The following PITPNM2 variants were observed in gnomAD, a reference collection of about 807,000 sequenced individuals.
The protein encoded by PITPNM2 is phosphatidylinositol transfer protein membrane associated 2.
In PITPNM2, 35 loss-of-function variants were observed where a neutral mutation model predicts 132.2. That is an observed-to-expected ratio of 0.26 (90% confidence interval 0.20 to 0.35). PITPNM2 has a LOEUF of 0.35. Among genes scored for constraint, PITPNM2 ranks in the 10% least tolerant of loss-of-function variants. The pLI is 1.00. For missense variants in PITPNM2, 1,332 were observed against 1,912.0 expected, an observed-to-expected ratio of 0.70 and a Z score of 5.66; for synonymous variants, 738 against 799.2, an observed-to-expected ratio of 0.92 and a Z score of 1.29.
intron 2 of PITPNM2, among the ~76,000 whole-genome samples, chr12:123,086,226 G>A (rs2042108209): frequency 6.6e-6 from 1 of 152,166 alleles, no homozygotes; most frequent in Admixed American, 6.5e-5. Flanking sequence ...CCTGCTCCCT[G>A]GCTACAGAAA....
Position 123,005,280 on chromosome 12 carries a change from C to G in PITPNM2, c.912G>C (p.Trp304Cys). 1 of 1,613,840 alleles carries G rather than the reference C, an allele frequency of 6.2e-7. No individual in the cohort carries two copies. The highest frequency in any genetic ancestry group is 8.5e-7 in the Non-Finnish European group (1 of 1,179,908). The change falls in exon 7 of 26, where the codon TGG becomes TGC. Residue 304 changes from tryptophan (W) to cysteine (C), a missense_variant. Transcript: ENST00000320201. The surrounding 1 kb of genome is among the most constrained non-coding windows in gnomAD (Gnocchi z 6.2). ...ACCGAGACGACTTGGAGGATGTGGA[C>G]CACTGTTTCTTGAGGCCGCGCCCCA... ...PLVGRGLKKQ[W>C]STSSKSSRSS...
chr12:123,025,216 G>C (rs550874694), intron 3 of PITPNM2, among the ~76,000 whole-genome samples: 4 of 152,334 alleles, frequency 2.6e-5, no homozygotes, highest in African/African-American at 9.6e-5. Flanking sequence ...GTGTGTATGT[G>C]TGCGTGCATA....
intron 1 of PITPNM2, among the ~76,000 whole-genome samples, chr12:123,113,500 G>A (rs2042880224): frequency 6.6e-6 from 1 of 152,174 alleles, no homozygotes; most frequent in Non-Finnish European, 1.5e-5. Flanking sequence ...AGGAGTTCAA[G>A]ACAAGCCTGG....
In PITPNM2 at chr12:123,150,549, C is replaced by T. The variant is rs1716183; in HGVS notation, c.-200+204G>A. 0.33 allele frequency among the ~76,000 whole-genome samples: 49,437 copies of T among 151,770 alleles called. 13,302 individuals are homozygous for T. The highest frequency in any genetic ancestry group is 0.74 in the African/African-American group (30,624 of 41,456). Reference sequence around the variant, plus strand: ...ACTGAGGCCAGGCTCGGGCGGTCTCCCGAGCGGGGCTCCCGTACGCCACAC... The same window carrying T: ...ACTGAGGCCAGGCTCGGGCGGTCTCTCGAGCGGGGCTCCCGTACGCCACAC... On this transcript the variant is annotated intron_variant, in intron 1 of 25. Coordinates refer to ENST00000320201, the MANE Select transcript of PITPNM2 (RefSeq NM_020845.3). The surrounding 1 kb of genome is among the most constrained non-coding windows in gnomAD (Gnocchi z 6.0).
intron 2 of PITPNM2, among the ~76,000 whole-genome samples, chr12:123,063,148 T>C (rs1019806309): frequency 6.6e-6 from 1 of 152,220 alleles, no homozygotes; most frequent in Non-Finnish European, 1.5e-5. Context: ...AAGGCCTGTG[T>C]TTCCAGGCCT....
intron 3 of PITPNM2, among the ~76,000 whole-genome samples, chr12:123,021,235 G>A (rs1297882183): frequency 6.6e-6 from 1 of 152,120 alleles, no homozygotes. Flanking sequence ...ACTGGGTAGA[G>A]GCCACAAGGT....
intron 16 of PITPNM2, chr12:122,991,745 G>A: frequency 7.7e-7 from 1 of 1,296,738 alleles, no homozygotes; most frequent in South Asian, 3.2e-5. Context: ...GAGCAGGGGA[G>A]GGTACACACA....
intron 3 of PITPNM2, among the ~76,000 whole-genome samples, chr12:123,019,620 T>G (rs1285169264): frequency 2.0e-5 from 3 of 152,144 alleles, no homozygotes; most frequent in Non-Finnish European, 2.9e-5. Flanking sequence ...GCAAGCCCCA[T>G]CAGCCAAATA....
intron 2 of PITPNM2, among the ~76,000 whole-genome samples, chr12:123,069,724 C>T (rs1465645587): frequency 6.6e-6 from 1 of 152,166 alleles, no homozygotes; most frequent in African/African-American, 2.4e-5. Flanking sequence ...AGGGCCCGAG[C>T]CTTGTTCAAA....
chr12:123,071,964 T>C (rs2041632548), intron 2 of PITPNM2, among the ~76,000 whole-genome samples: 2 of 152,210 alleles, frequency 1.3e-5, no homozygotes, highest in Admixed American at 6.5e-5. Context: ...ACTTCAGCCA[T>C]GCAATTAGCA....
At chr12:123,047,061 C>A (rs1026113935) in intron 2 of PITPNM2, among the ~76,000 whole-genome samples, 1 of 152,140 alleles carries the variant, frequency 6.6e-6, no homozygotes, top group South Asian at 2.1e-4. Flanking sequence ...AGAATGATCT[C>A]CCAAGGTGGA....
chr12:123,106,587 T>C lies in PITPNM2; in HGVS notation c.-96+3798A>G, dbSNP rs1178261679. ...TGCGTACTGAGCAGCGTCAGGTGTG[T>C]GTCAAAGAACCATATCAATAAACAA... On this transcript the variant is annotated intron_variant, in intron 2 of 25. Coordinates refer to ENST00000320201, the MANE Select transcript of PITPNM2 (RefSeq NM_020845.3). This position sits in a 1 kb window ranked among gnomAD's most constrained non-coding sequence, Gnocchi z 4.4. Among the ~76,000 whole-genome samples the C allele has an allele frequency of 6.6e-6, 1 of 152,112 alleles. No homozygotes were observed. The highest frequency in any genetic ancestry group is 1.5e-5 in the Non-Finnish European group (1 of 68,022).
chr12:123,066,560 G>A (rs886976900), intron 2 of PITPNM2, among the ~76,000 whole-genome samples: 2 of 152,138 alleles, frequency 1.3e-5, no homozygotes, highest in African/African-American at 4.8e-5. Flanking sequence ...CTGAGAGCTG[G>A]GAGACAGACA....
rs532678706 is a variant in PITPNM2 at position 123,078,231 on chromosome 12, G to A, written c.-96+32154C>T. 6.6e-6 allele frequency among the ~76,000 whole-genome samples: 1 copy of A among 152,346 alleles called. No individual in the cohort carries two copies. The highest frequency in any genetic ancestry group is 2.1e-4 in the South Asian group (1 of 4,834). Reference sequence around the variant, plus strand: ...GCGGGCGGAGGAGCCATATGCCAGAGGGAAGGCATCAGCAGAGAGCCAATC... The same window carrying A: ...GCGGGCGGAGGAGCCATATGCCAGAAGGAAGGCATCAGCAGAGAGCCAATC... On this transcript the variant is annotated intron_variant, in intron 2 of 25. Transcript: ENST00000320201. The surrounding 1 kb of genome is among the most constrained non-coding windows in gnomAD (Gnocchi z 7.3).
rs2042954459 is a variant in PITPNM2 at position 123,117,455 on chromosome 12, C to T, written c.-199-6967G>A. 6.6e-6 allele frequency among the ~76,000 whole-genome samples: 1 copy of T among 152,202 alleles called. No individual in the cohort carries two copies. The highest frequency in any genetic ancestry group is 1.5e-5 in the Non-Finnish European group (1 of 68,038). On this transcript the variant is annotated intron_variant, in intron 1 of 25. Coordinates refer to ENST00000320201, the MANE Select transcript of PITPNM2 (RefSeq NM_020845.3). The surrounding 1 kb of genome is among the most constrained non-coding windows in gnomAD (Gnocchi z 4.7). ...TTGGCATGGGATTGAGACCAGAGTT[C>T]TGGCTGCTGACTCTGGGTAAGTCAG...
chr12:122,996,405 G>T, intron 13 of PITPNM2, 53 bp downstream of exon 13: 1 of 1,603,236 alleles, frequency 6.2e-7, no homozygotes. Context: ...CCACCCTGGG[G>T]GCGTGCAGGA....
Position 122,988,312 on chromosome 12 carries a change from A to G in PITPNM2, c.2919T>C (p.Asp973=). 6 of 1,613,394 alleles carry G rather than the reference A, an allele frequency of 3.7e-6. No individual in the cohort carries two copies. Among genetic ancestry groups the G allele is most frequent in the Non-Finnish European group, 5.1e-6 (6 of 1,179,982 alleles). ...GGGTGAACACCGACACTTCCTTGCC[A>G]TCCAGCTCCAAGATGCTGGAGTTGT... ...RHDNSSILEL[D]GKEVSVFTPS... is the part of the protein sequence containing the mutation. Residue 973 remains aspartate, a synonymous_variant, in exon 20 of 26, where the codon GAT becomes GAC. Coordinates refer to ENST00000320201, the MANE Select transcript of PITPNM2 (RefSeq NM_020845.3).
Position 123,005,312 on chromosome 12 carries a change from G to T in PITPNM2, c.880C>A (p.Pro294Thr), listed in dbSNP as rs1592934981. ...PPEPSSSNGE[P>T]LVGRGLKKQW... ...TTCTTGAGGCCGCGCCCCACTAGGG[G>T]CTCCCCATTGCTGCTGCTGGGCTCC... is the stretch of plus-strand genomic sequence containing the variant. Residue 294 changes from proline (P) to threonine (T), a missense_variant, in exon 7 of 26, where the codon CCC becomes ACC. Around this residue, in one of 6 missense-constraint regions of PITPNM2, gnomAD observed 710 missense variants for 911.5 expected, o/e 0.78. Coordinates refer to ENST00000320201, the MANE Select transcript of PITPNM2 (RefSeq NM_020845.3). This position sits in a 1 kb window ranked among gnomAD's most constrained non-coding sequence, Gnocchi z 6.2. 6.2e-7 allele frequency: 1 copy of T among 1,614,048 alleles called. No individual in the cohort carries two copies. Among genetic ancestry groups the T allele is most frequent in the South Asian group, 1.1e-5 (1 of 91,078 alleles).
At chr12:123,066,635 G>A (rs1441587592) in intron 2 of PITPNM2, among the ~76,000 whole-genome samples, 1 of 152,134 alleles carries the variant, frequency 6.6e-6, no homozygotes, top group Non-Finnish European at 1.5e-5. Flanking sequence ...GGGCTACAAG[G>A]TACTGCTATT....
Sources: gnomAD v4.1 joint callset for allele counts (sites outside exome capture counted in the v4.1 genomes callset) on GRCh38, gnomAD v4.1.1 for gene constraint, gnomAD v4.1.1 regional missense constraint, Gnocchi (gnomAD v3.1) non-coding constraint, MANE v1.5 for transcripts, NCBI Gene and HGNC (gene_info 2026-07-23, HGNC 2026-07-21) for gene names.